The following ANK1 variants were observed in gnomAD, a reference collection of about 807,000 sequenced individuals.
ANK1 encodes the protein ankyrin 1, also known as ankyrin-1.
In ANK1, 51 loss-of-function variants were observed where a neutral mutation model predicts 210.4. That is an observed-to-expected ratio of 0.24 (90% confidence interval 0.19 to 0.31). The LOEUF (loss-of-function observed/expected upper bound fraction) is 0.31, where lower values mean the gene tolerates loss of function less well. Among genes scored for constraint, ANK1 ranks in the 10% least tolerant of loss-of-function variants. The probability of loss-of-function intolerance (pLI) is 1.00; values close to 1 mark genes in which losing one functional copy is unlikely to be tolerated. For missense variants in ANK1, 2,051 were observed against 2,504.4 expected (o/e 0.82, Z 3.86); for synonymous variants, 967 against 1,025.9 (o/e 0.94, Z 1.10).
At chr8:41,795,130 G>A (rs79558807) in intron 1 of ANK1, among the ~76,000 whole-genome samples, 1 of 152,190 alleles carries the variant, frequency 6.6e-6, no homozygotes, top group African/African-American at 2.4e-5. Flanking sequence ...TAAATATATT[G>A]CAGTTTGATT....
chr8:41,831,394 T>A (rs923230908), intron 1 of ANK1, among the ~76,000 whole-genome samples: 1 of 152,068 alleles, frequency 6.6e-6, no homozygotes, highest in African/African-American at 2.4e-5. Context: ...ATGCATGTAA[T>A]CCCAGCACTT....
At chr8:41,751,069 T>C (rs2150701775) in intron 2 of ANK1, among the ~76,000 whole-genome samples, 1 of 152,340 alleles carries the variant, frequency 6.6e-6, no homozygotes, top group South Asian at 2.1e-4. Context: ...GGCACTGCTC[T>C]TTTCTGGTTT....
At chr8:41,872,150 AAAGGGTGCTGC>A (rs1257079238) in intron 1 of ANK1, among the ~76,000 whole-genome samples, 1 of 152,158 alleles carries the variant, frequency 6.6e-6, no homozygotes, top group African/African-American at 2.4e-5. Context: ...GCTTCCTCCA[AAAGGGTGCTGC>A]AAGATGACTT....
chr8:41,850,294 C>T (rs1810993829), intron 1 of ANK1, among the ~76,000 whole-genome samples: 2 of 151,912 alleles, frequency 1.3e-5, no homozygotes, highest in Non-Finnish European at 2.9e-5. Context: ...TTAAGTGGGG[C>T]TAACGGTGAC....
intron 27 of ANK1, among the ~76,000 whole-genome samples, 164 bp downstream of exon 27, chr8:41,695,013 T>C (rs992035811): frequency 1.8e-4 from 27 of 152,066 alleles, no homozygotes; most frequent in African/African-American, 6.0e-4. Flanking sequence ...CCGCTGAGCA[T>C]CCTCTCACAC....
intron 2 of ANK1, among the ~76,000 whole-genome samples, chr8:41,751,831 C>T (rs777389347): frequency 1.3e-5 from 2 of 152,170 alleles, no homozygotes; most frequent in Non-Finnish European, 2.9e-5. Flanking sequence ...GCATAAGCAT[C>T]TCTTGTGTAA....
At chr8:41,884,462 C>T (rs191030568) in intron 1 of ANK1, among the ~76,000 whole-genome samples, 167 of 152,298 alleles carry the variant, frequency 1.1e-3, no homozygotes, top group Admixed American at 2.0e-3. Flanking sequence ...CTGCATCCAG[C>T]GTCCCTCAGG....
intron 39 of ANK1, chr8:41,664,328 C>T: frequency 2.7e-6 from 1 of 369,796 alleles, no homozygotes; most frequent in South Asian, 2.0e-5. Flanking sequence ...TTTAAAATAG[C>T]CAGGCATGGT....
chr8:41,710,804 A>C (rs2150625408), intron 16 of ANK1, among the ~76,000 whole-genome samples: 1 of 152,350 alleles, frequency 6.6e-6, no homozygotes, highest in East Asian at 1.9e-4. Context: ...TGCCAGGATC[A>C]CTGGTCAGGA....
intron 26 of ANK1, among the ~76,000 whole-genome samples, chr8:41,696,091 T>C (rs899235284): frequency 6.6e-6 from 1 of 152,256 alleles, no homozygotes; most frequent in Non-Finnish European, 1.5e-5. Flanking sequence ...GGTCTTGCTA[T>C]GTTTTCCAGG....
At position 41,719,719 on chromosome 8, in the gene ANK1, T is replaced by A; in HGVS notation, c.1049A>T (p.His350Leu). The A allele has an allele frequency of 6.2e-7, 1 of 1,614,194 alleles. No homozygotes were observed. The highest frequency in any genetic ancestry group is 1.1e-5 in the South Asian group (1 of 91,088). ...TPLHVAAHCG[H>L]HRVAKVLLDK... is the part of the protein sequence containing the mutation. ...CAGAAGGACCTTAGCCACCCTGTGG[T>A]GTCCACAGTGGGCAGCCACGTGGAG... Residue 350 changes from histidine to leucine, a missense_variant, in exon 10 of 43, where the codon CAC (histidine) becomes CTC (leucine). By Grantham distance (99) the His-to-Leu change is moderately conservative. Coordinates refer to ENST00000289734, the MANE Select transcript of ANK1 (RefSeq NM_000037.4).
At chr8:41,757,577 G>A (rs1451396583) in intron 2 of ANK1, among the ~76,000 whole-genome samples, 1 of 152,050 alleles carries the variant, frequency 6.6e-6, no homozygotes, top group Non-Finnish European at 1.5e-5. Flanking sequence ...TCCTCAACCC[G>A]AGCCCACTCG....
At chr8:41,896,207 C>T (rs1820495911) in intron 1 of ANK1, 1 of 1,185,506 alleles carries the variant, frequency 8.4e-7, no homozygotes, top group Admixed American at 4.0e-5. Context: ...CCCTCCTCTA[C>T]GCCCACCGAG....
At chr8:41,761,574 C>A (rs1006503749) in intron 1 of ANK1, among the ~76,000 whole-genome samples, 15 of 152,192 alleles carry the variant, frequency 9.9e-5, no homozygotes, top group African/African-American at 3.6e-4. Context: ...GATCTCCAGC[C>A]TCCAGACAGC....
At chr8:41,752,969 G>C (rs951298431) in intron 2 of ANK1, among the ~76,000 whole-genome samples, 3 of 152,056 alleles carry the variant, frequency 2.0e-5, no homozygotes, top group Non-Finnish European at 4.4e-5. Context: ...ACAAGGGGGG[G>C]ATATTCAACC....
At chr8:41,866,441 G>T (rs932227759) in intron 1 of ANK1, among the ~76,000 whole-genome samples, 2 of 152,098 alleles carry the variant, frequency 1.3e-5, no homozygotes, top group African/African-American at 4.8e-5. Context: ...TAATCCTCCT[G>T]CCTTGGCCTC....
At chr8:41,663,091 T>C (rs1390493510) in intron 40 of ANK1, among the ~76,000 whole-genome samples, 3 of 89,248 alleles carry the variant, frequency 3.4e-5, no homozygotes, top group African/African-American at 1.4e-4. Context: ...ATTTTGTGTG[T>C]GTGTGTGTCT....
chr8:41,775,695 C>T (rs545361074), intron 1 of ANK1, among the ~76,000 whole-genome samples: 1 of 152,284 alleles, frequency 6.6e-6, no homozygotes, highest in Non-Finnish European at 1.5e-5. Flanking sequence ...GCCTGGGCAA[C>T]ATAGCAAGAT....
intron 15 of ANK1, 26 bp downstream of exon 15, chr8:41,714,949 GC>G: frequency 6.2e-7 from 1 of 1,608,814 alleles, no homozygotes; most frequent in Non-Finnish European, 8.5e-7. Flanking sequence ...CCTGAGAGCT[GC>G]AGGGGAGGGC....
Sources: allele counts gnomAD v4.1 joint callset (sites outside exome capture counted in the v4.1 genomes callset), GRCh38; gene constraint gnomAD v4.1.1; transcripts MANE v1.5; gene names NCBI Gene and HGNC (gene_info 2026-07-23, HGNC 2026-07-21).